Variants in SEMA6D observed in about 807,000 individuals in gnomAD.
SEMA6D encodes the protein semaphorin 6D.
In SEMA6D, 35 loss-of-function variants were observed where a neutral mutation model predicts 106.6. That is an observed-to-expected ratio of 0.33 (90% confidence interval 0.25 to 0.44). The LOEUF is 0.44. SEMA6D is among the 20% of genes least tolerant of loss of function. The pLI is 1.00. For missense variants in SEMA6D, 1,185 were observed against 1,345.9 expected (o/e 0.88, Z 1.87); for synonymous variants, 499 against 487.7 (o/e 1.02, Z -0.31).
At chr15:47,585,173 C>T (rs1469222805) in intron 3 of SEMA6D, among the ~76,000 whole-genome samples, 4 of 152,162 alleles carry the variant, frequency 2.6e-5, no homozygotes, top group South Asian at 2.1e-4. Flanking sequence ...AGATGTGTCA[C>T]CTTGTAACAA....
rs1427067398 is a variant in SEMA6D, at chr15:47,772,195, C to T, written c.*410C>T. 6.2e-6 allele frequency: 1 copy of T among 160,552 alleles called. No individual in the cohort carries two copies. Among genetic ancestry groups the T allele is most frequent in the East Asian group, 1.8e-4 (1 of 5,458 alleles). 9.9% of individuals were successfully genotyped at this position (160,552 alleles called of 1,614,324 possible). On this transcript the variant is annotated 3_prime_UTR_variant, in exon 19 of 19. Transcript: ENST00000536845. ...TTTAATATGTATGCATTCACCTTGC[C>T]TCTTGCACAAATGTCAAAAAAAAGA...
chr15:47,668,184 C>T (rs2078065821), intron 4 of SEMA6D, among the ~76,000 whole-genome samples: 1 of 152,102 alleles, frequency 6.6e-6, no homozygotes, highest in Admixed American at 6.5e-5. Flanking sequence ...GACTTTATTT[C>T]CTCTTTCATG....
chr15:47,552,039 C>CAAAAAAAAAAAAA (rs148219211), intron 3 of SEMA6D, among the ~76,000 whole-genome samples: 21 of 149,868 alleles, frequency 1.4e-4, no homozygotes, highest in African/African-American at 3.7e-4. Flanking sequence ...AGGAAACAGA[C>CAAAAAAAAAAAAA]AAAAAAAAAG....
intron 4 of SEMA6D, among the ~76,000 whole-genome samples, chr15:47,663,958 A>G (rs1452355217): frequency 1.3e-5 from 2 of 152,156 alleles, no homozygotes; most frequent in African/African-American, 4.8e-5. Context: ...TGACTTTTGG[A>G]TCTATTCTTG....
intron 4 of SEMA6D, among the ~76,000 whole-genome samples, chr15:47,611,818 G>A (rs1300283543): frequency 6.6e-6 from 1 of 152,214 alleles, no homozygotes; most frequent in Non-Finnish European, 1.5e-5. Flanking sequence ...CAAAAGTTAT[G>A]TTTTTGGAGA....
intron 1 of SEMA6D, among the ~76,000 whole-genome samples, chr15:47,253,398 G>A (rs1260683052): frequency 6.6e-6 from 1 of 151,990 alleles, no homozygotes; most frequent in Non-Finnish European, 1.5e-5. Flanking sequence ...TTTATTGCCT[G>A]TGCTTTTGTG....
At chr15:47,242,442 C>T (rs533758512) in intron 1 of SEMA6D, among the ~76,000 whole-genome samples, 11 of 152,234 alleles carry the variant, frequency 7.2e-5, no homozygotes, top group African/African-American at 1.7e-4. Flanking sequence ...CCCAGTTGTT[C>T]CTTTGTGTTC....
intron 1 of SEMA6D, among the ~76,000 whole-genome samples, chr15:47,281,584 G>T (rs1176420911): frequency 6.6e-6 from 1 of 151,880 alleles, no homozygotes; most frequent in Non-Finnish European, 1.5e-5. Flanking sequence ...ATGTTAGCTG[G>T]TTATTTTGCT....
At chr15:47,679,032 TACATTTAGACTCTTCAA>T in intron 4 of SEMA6D, among the ~76,000 whole-genome samples, 1 of 152,350 alleles carries the variant, frequency 6.6e-6, no homozygotes, top group African/African-American at 2.4e-5. Flanking sequence ...ATTTCATACT[TACATTTAGACTCTTCAA>T]AATTTGATAT....
At chr15:47,619,572 A>G (rs1018627967) in intron 4 of SEMA6D, among the ~76,000 whole-genome samples, 3 of 152,218 alleles carry the variant, frequency 2.0e-5, no homozygotes, top group African/African-American at 7.2e-5. Flanking sequence ...CAGCATCAGT[A>G]TCACTAAGGA....
chr15:47,316,117 G>C (rs2036666721), intron 1 of SEMA6D, among the ~76,000 whole-genome samples: 1 of 1,572 alleles, frequency 6.4e-4, no homozygotes, highest in Non-Finnish European at 1.9e-3. Flanking sequence ...TTTTGAGACA[G>C]AATCTTGTTC....
intron 1 of SEMA6D, among the ~76,000 whole-genome samples, chr15:47,729,836 G>A (rs2080002410): frequency 6.6e-6 from 1 of 152,186 alleles, no homozygotes; most frequent in African/African-American, 2.4e-5. Flanking sequence ...TACTGAAAAG[G>A]CTGTCAGAGC....
intron 1 of SEMA6D, among the ~76,000 whole-genome samples, chr15:47,294,421 A>G (rs1276735792): frequency 6.6e-6 from 1 of 152,100 alleles, no homozygotes; most frequent in Non-Finnish European, 1.5e-5. Flanking sequence ...ACAGGATTTC[A>G]ACATGTTGGC....
At chr15:47,251,102 A>T (rs2033487757) in intron 1 of SEMA6D, among the ~76,000 whole-genome samples, 1 of 152,248 alleles carries the variant, frequency 6.6e-6, no homozygotes, top group Admixed American at 6.5e-5. Flanking sequence ...AAAAGGTGCC[A>T]GAAACCCCCA....
chr15:47,186,236 A>T (rs1893563865), intron 1 of SEMA6D, among the ~76,000 whole-genome samples: 1 of 152,134 alleles, frequency 6.6e-6, no homozygotes, highest in African/African-American at 2.4e-5. Context: ...CTGGAGTTCC[A>T]GCCCTCAGGA....
intron 4 of SEMA6D, among the ~76,000 whole-genome samples, chr15:47,647,953 G>A (rs948052505): frequency 8.5e-5 from 13 of 152,226 alleles, no homozygotes; most frequent in Non-Finnish European, 1.6e-4. Flanking sequence ...GCACACTCAC[G>A]TATTCTGGAT....
intron 1 of SEMA6D, among the ~76,000 whole-genome samples, chr15:47,731,191 A>G (rs1019443121): frequency 2.6e-5 from 4 of 152,156 alleles, no homozygotes; most frequent in Non-Finnish European, 5.9e-5. Context: ...CTCAATTTTC[A>G]GAAATACATA....
At chr15:47,263,362 A>G (rs2034166156) in intron 1 of SEMA6D, among the ~76,000 whole-genome samples, 1 of 152,116 alleles carries the variant, frequency 6.6e-6, no homozygotes, top group South Asian at 2.1e-4. Flanking sequence ...AATAAAAAAC[A>G]CAATCCCATA....
intron 4 of SEMA6D, among the ~76,000 whole-genome samples, chr15:47,601,993 T>C (rs2076671036): frequency 6.6e-6 from 1 of 152,136 alleles, no homozygotes; most frequent in South Asian, 2.1e-4. Flanking sequence ...AACAAAATAA[T>C]AATAAAATAC....
Sources: allele counts gnomAD v4.1 joint callset (sites outside exome capture counted in the v4.1 genomes callset), GRCh38; gene constraint gnomAD v4.1.1; transcripts MANE v1.5; gene names NCBI Gene and HGNC (gene_info 2026-07-23, HGNC 2026-07-21).